VPS13C: variants seen among roughly 807,000 people sequenced by gnomAD.
VPS13C encodes the protein intermembrane lipid transfer protein VPS13C.
In VPS13C, 358 loss-of-function variants were observed where a neutral mutation model predicts 456.8. That is an observed-to-expected ratio of 0.78 (90% CI 0.72 to 0.86). VPS13C has a LOEUF of 0.86. Ranked by LOEUF, VPS13C falls within the 40% of genes least tolerant of loss-of-function variation. VPS13C has a pLI of 0.00. For missense variants in VPS13C, 4,818 were observed against 4,385.4 expected (o/e 1.10, Z -2.79); for synonymous variants, 1,578 against 1,486.7 (o/e 1.06, Z -1.41).
intron 9 of VPS13C, among the ~76,000 whole-genome samples, chr15:62,015,291 C>G (rs953252318): frequency 6.6e-6 from 1 of 152,066 alleles, no homozygotes; most frequent in African/African-American, 2.4e-5. Context: ...TAGTTTCCTC[C>G]CATGTTGTAG....
intron 16 of VPS13C, among the ~76,000 whole-genome samples, chr15:61,999,251 T>C (rs1359860372): frequency 6.6e-6 from 1 of 151,984 alleles, no homozygotes; most frequent in African/African-American, 2.4e-5. Flanking sequence ...TGGTGGCACA[T>C]GCCTATAGTC....
chr15:61,919,005 T>C (rs1367724248), intron 58 of VPS13C, among the ~76,000 whole-genome samples: 1 of 152,084 alleles, frequency 6.6e-6, no homozygotes, highest in African/African-American at 2.4e-5. Flanking sequence ...TTTAAAGGAA[T>C]ATACCAAAAG....
At chr15:61,974,599 T>C (rs948125303) in intron 24 of VPS13C, among the ~76,000 whole-genome samples, 182 bp from the exon 25 acceptor site, 1 of 152,156 alleles carries the variant, frequency 6.6e-6, no homozygotes, top group Non-Finnish European at 1.5e-5. Flanking sequence ...AGCTAAGTTT[T>C]CAGATAATTT....
intron 51 of VPS13C, 113 bp downstream of exon 51, chr15:61,929,388 T>C: frequency 7.3e-7 from 1 of 1,362,486 alleles, no homozygotes; most frequent in South Asian, 1.6e-5. Context: ...AGAATATGTT[T>C]AAATATAAAA....
chr15:62,017,231 A>T (rs1012030333), intron 9 of VPS13C, among the ~76,000 whole-genome samples: 2 of 152,134 alleles, frequency 1.3e-5, no homozygotes, highest in African/African-American at 4.8e-5. Context: ...CCCATTCTGT[A>T]GGTTGCCTAT....
rs1269490160 is a variant in VPS13C at position 61,922,672 on chromosome 15, C to T, written c.6700G>A (p.Glu2234Lys). 18 of 1,613,898 alleles carry T rather than the reference C, an allele frequency of 1.1e-5. No homozygotes were observed. The highest frequency in any genetic ancestry group is 1.5e-5 in the Non-Finnish European group (18 of 1,179,918). ...KEDGSKDTSK[E>K]MENLWGIKSI... ...TTGATACCCCAAAGATTTTCCATTT[C>T]CTTAGACGTATCTTTGGATCCATCT... The change falls in exon 54 of 85, where the codon GAA (glutamate) becomes AAA (lysine). Residue 2234 changes from glutamate (E) to lysine (K), a missense_variant. Coordinates refer to ENST00000644861, the MANE Select transcript of VPS13C (RefSeq NM_020821.3).
Position 61,995,974 on chromosome 15 carries a change from G to A in VPS13C, c.1354-4172C>T, listed in dbSNP as rs1047186902. On this transcript the variant is annotated intron_variant, in intron 16 of 84. Coordinates refer to ENST00000644861, the MANE Select transcript of VPS13C (RefSeq NM_020821.3). The stretch of plus-strand genomic sequence containing the variant: ...GCACAGCAGAGGAACATGGAGCACA[G>A]TTGCACAGGCAGCTAAAACCCTGAG... Among the ~76,000 whole-genome samples, 7 of 152,304 alleles carry A rather than the reference G, an allele frequency of 4.6e-5. No homozygotes were observed. The East Asian group carries it at 1.4e-3, about 29-fold the overall frequency.
rs763913955 is a variant in VPS13C at position 61,946,448 on chromosome 15, T to A, written c.4877-38A>T. 12 of 1,462,428 alleles carry A rather than the reference T, an allele frequency of 8.2e-6. No individual in the cohort carries two copies. In the South Asian group the frequency reaches 1.5e-4, roughly 18 times the overall value. The allele number at this position is 1,462,428 out of a possible 1,614,324, so 90.6% of individuals were successfully genotyped here. A position where few individuals can be genotyped will look rare whatever the true frequency, so the allele number is the denominator to read the frequency against. ...TAACATTTATAAACTTTTCACCCAA[T>A]CCACATGACTAAGCCAGTGGTATTT... On this transcript the variant is annotated intron_variant, in intron 43 of 84. Transcript: ENST00000644861.
Position 61,977,845 on chromosome 15 carries a change from T to C in VPS13C, c.2291-646A>G, listed in dbSNP as rs532275694. Among the ~76,000 whole-genome samples the C allele has an allele frequency of 2.0e-3, 298 of 152,182 alleles. 1 individual carries two copies. Among genetic ancestry groups the C allele is most frequent in the Non-Finnish European group, 3.1e-3 (211 of 67,924 alleles). ...AGGCAGTTTTAATGGTCTGTGTAAA[T>C]ACTCCAAGGAATTAACAGGCTCTTA... On this transcript the variant is annotated intron_variant, in intron 23 of 84. Transcript: ENST00000644861.
In VPS13C at chr15:61,981,402, T is replaced by C; in HGVS notation, c.2106A>G (p.Pro702=). Residue 702 remains proline, a synonymous_variant, in exon 22 of 85, where the codon CCA becomes CCG. Transcript: ENST00000644861. ...ACTTTTCATGGTGGAAACCCGTCTG[T>C]GGAACTACTAGATAAGAAGGCTTCA... ...INLKPSYLVV[P]QTGFHHEKSD... is the part of the protein sequence containing the mutation. 1.9e-6 allele frequency: 3 copies of C among 1,612,906 alleles called. No individual in the cohort carries two copies. In the South Asian group the frequency reaches 3.3e-5, roughly 18 times the overall value.
intron 50 of VPS13C, 127 bp from the exon 51 acceptor site, chr15:61,929,875 A>G: frequency 2.2e-6 from 2 of 910,308 alleles, no homozygotes; most frequent in South Asian, 4.0e-5. Context: ...AAAACAGGTC[A>G]ACATTAACTA....
chr15:61,890,936 A>G (rs1436747176), intron 66 of VPS13C, among the ~76,000 whole-genome samples: 1 of 152,134 alleles, frequency 6.6e-6, no homozygotes, highest in Non-Finnish European at 1.5e-5. Flanking sequence ...AATCCCAGCT[A>G]CTCAGGAGGC....
intron 61 of VPS13C, 38 bp from the exon 62 acceptor site, chr15:61,913,453 A>G: frequency 6.5e-7 from 1 of 1,528,608 alleles, no homozygotes; most frequent in East Asian, 2.3e-5. Context: ...TAAGAAATCT[A>G]AAACACTATA....
chr15:61,898,037 C>T (rs2042883801), intron 66 of VPS13C, among the ~76,000 whole-genome samples: 1 of 152,022 alleles, frequency 6.6e-6, no homozygotes. Flanking sequence ...AAATACTTTA[C>T]AGACAAGCAA....
intron 62 of VPS13C, among the ~76,000 whole-genome samples, chr15:61,912,449 A>G (rs2043328988): frequency 6.6e-6 from 1 of 152,188 alleles, no homozygotes; most frequent in South Asian, 2.1e-4. Flanking sequence ...AAGGGGTGGT[A>G]CAGAATAAGG....
chr15:61,929,585 C>T lies in VPS13C; in HGVS notation c.6202G>A (p.Val2068Met), dbSNP rs141872698. The T allele has an allele frequency of 3.6e-5, 58 of 1,613,964 alleles. No homozygotes were observed. The highest frequency in any genetic ancestry group is 4.2e-5 in the Non-Finnish European group (50 of 1,180,004). ...MTVADFFIKA[V>M]PQSPENVAKE... Reference sequence around the variant, plus strand: ...GCCACATTTTCTGGACTCTGAGGCACAGCTTTGATAAAGAAATCTGCCACA... The same window carrying T: ...GCCACATTTTCTGGACTCTGAGGCATAGCTTTGATAAAGAAATCTGCCACA... The change falls in exon 51 of 85, where the codon GTG (valine) becomes ATG (methionine). Residue 2068 changes from valine (V) to methionine (M), a missense_variant. Around this residue, in one of 3 missense-constraint regions of VPS13C, gnomAD observed 4,552 missense variants for 4,130.6 expected, o/e 1.10. Coordinates refer to ENST00000644861, the MANE Select transcript of VPS13C (RefSeq NM_020821.3).
chr15:61,964,919 C>T (rs1336475638), intron 30 of VPS13C, 58 bp from the exon 31 acceptor site: 2 of 1,472,192 alleles, frequency 1.4e-6, no homozygotes, highest in African/African-American at 2.8e-5. Flanking sequence ...CCTGTAGTCT[C>T]CACGACAGAC....
chr15:62,026,809 A>C (rs962819392), intron 6 of VPS13C, among the ~76,000 whole-genome samples: 4 of 152,072 alleles, frequency 2.6e-5, no homozygotes, highest in African/African-American at 9.7e-5. Context: ...CTACTTCATC[A>C]AGGGAATTCT....
chr15:61,957,909 G>T (rs1330594580), intron 37 of VPS13C, among the ~76,000 whole-genome samples: 1 of 151,702 alleles, frequency 6.6e-6, no homozygotes, highest in Non-Finnish European at 1.5e-5. Flanking sequence ...TACAGATATG[G>T]AATAGACACC....
Sources: allele counts gnomAD v4.1 joint callset (sites outside exome capture counted in the v4.1 genomes callset), GRCh38; gene constraint gnomAD v4.1.1; regional missense constraint gnomAD v4.1.1; transcripts MANE v1.5; gene names NCBI Gene and HGNC (gene_info 2026-07-23, HGNC 2026-07-21).